ROBO2: variants seen among roughly 807,000 people sequenced by gnomAD.
The protein encoded by ROBO2 is roundabout guidance receptor 2.
ROBO2 carries 53 observed loss-of-function variants against 160.8 expected under a neutral mutation model. That is an observed-to-expected ratio of 0.33 (90% CI 0.26 to 0.41). The LOEUF is 0.41. Among genes scored for constraint, ROBO2 ranks in the 10% least tolerant of loss-of-function variants. The probability of loss-of-function intolerance (pLI) is 1.00; values close to 1 mark genes in which losing one functional copy is unlikely to be tolerated. For missense variants in ROBO2, 1,577 were observed against 1,722.4 expected (o/e 0.92, Z 1.49); for synonymous variants, 664 against 611.7 (o/e 1.09, Z -1.26).
intron 2 of ROBO2, among the ~76,000 whole-genome samples, chr3:76,761,444 G>T (rs2597239): frequency 0.84 from 126,820 of 151,336 alleles, 53,234 homozygotes; most frequent in Admixed American, 0.86. Context: ...TTCCTTTTCA[G>T]CCTCAAAAGT....
intron 2 of ROBO2, among the ~76,000 whole-genome samples, chr3:76,830,169 C>G (rs562127653): frequency 6.6e-6 from 1 of 152,172 alleles, no homozygotes; most frequent in East Asian, 1.9e-4. Context: ...CTCAACTGTC[C>G]CCCCCTCCAT....
At chr3:77,497,661 T>C (rs1370485033) in intron 5 of ROBO2, among the ~76,000 whole-genome samples, 1 of 152,152 alleles carries the variant, frequency 6.6e-6, no homozygotes, top group African/African-American at 2.4e-5. Context: ...AACATTTTGC[T>C]TATTAGTACT....
At position 77,294,464 on chromosome 3, in the gene ROBO2, C is replaced by T. The variant is rs1264645079; in HGVS notation, c.389-182950C>T. Among the ~76,000 whole-genome samples, 27 of 135,842 alleles carry T rather than the reference C, an allele frequency of 2.0e-4. 3 individuals carry two copies. Among genetic ancestry groups the T allele is most frequent in the African/African-American group, 5.7e-4 (19 of 33,070 alleles). The allele number at this position is 135,842 out of a possible 152,430, so 89.1% of individuals were successfully genotyped here. ...CCCTAAAGACATAAAGTAAAATTGA[C>T]GGGTAAACGGGTAAGCTGAGGCTAG... is the stretch of plus-strand genomic sequence containing the variant. On this transcript the variant is annotated intron_variant, in intron 2 of 25. Coordinates refer to ENST00000461745, the Ensembl canonical transcript of ROBO2.
intron 16 of ROBO2, among the ~76,000 whole-genome samples, chr3:77,584,725 C>T (rs1275069185): frequency 6.6e-6 from 1 of 151,716 alleles, no homozygotes; most frequent in Non-Finnish European, 1.5e-5. Flanking sequence ...ATTCCTTAAC[C>T]TGAGGGAAAC....
Position 76,962,638 on chromosome 3 carries a change from CAG to C in ROBO2, c.110-135374_110-135373del, listed in dbSNP as rs781714964. 1.0e-3 allele frequency among the ~76,000 whole-genome samples: 51 copies of C among 50,256 alleles called. 8 individuals are homozygous for C. The highest frequency in any genetic ancestry group is 2.6e-3 in the South Asian group (3 of 1,148). The allele number at this position is 50,256 out of a possible 152,430, so 33.0% of individuals were successfully genotyped here. A position where few individuals can be genotyped will look rare whatever the true frequency, so the allele number is the denominator to read the frequency against. On this transcript the variant is annotated intron_variant, in intron 2 of 26. Transcript: ENST00000487694. ...GGGCAACAAGAGTGAAACTCGATCT[CAG>C]AAAAAAAAAAAAAAAAAAAAGCTAG...
intron 24 of ROBO2, among the ~76,000 whole-genome samples, chr3:77,638,769 C>T (rs1462310418): frequency 1.3e-5 from 2 of 149,700 alleles, no homozygotes; most frequent in Non-Finnish European, 3.0e-5. Flanking sequence ...ATCCATCAAC[C>T]TGTTTCTCCT....
At chr3:77,492,229 T>C (rs1157040074) in intron 4 of ROBO2, among the ~76,000 whole-genome samples, 1 of 152,218 alleles carries the variant, frequency 6.6e-6, no homozygotes, top group Non-Finnish European at 1.5e-5. Context: ...ATATTGAATT[T>C]GTTTGTGATT....
intron 2 of ROBO2, among the ~76,000 whole-genome samples, chr3:77,395,123 C>G (rs923654296): frequency 6.6e-6 from 1 of 152,058 alleles, no homozygotes; most frequent in Non-Finnish European, 1.5e-5. Flanking sequence ...TTGCTATTTT[C>G]TACCCTCCCT....
Position 77,215,093 on chromosome 3 carries a change from G to A in ROBO2, c.388+116753G>A, listed in dbSNP as rs539520815. 4.2e-4 allele frequency among the ~76,000 whole-genome samples: 64 copies of A among 151,990 alleles called. 1 individual carries two copies. Among genetic ancestry groups the A allele is most frequent in the African/African-American group, 6.5e-4 (27 of 41,416 alleles). ...TCTTCTCAAGGAGTATCTTTGTGGC[G>A]TTCTCTGTATTTCCTGAATTTGAAT... On this transcript the variant is annotated intron_variant, in intron 2 of 25. Coordinates refer to ENST00000461745, the Ensembl canonical transcript of ROBO2.
At chr3:76,021,232 G>A (rs1037076580) in intron 2 of ROBO2, among the ~76,000 whole-genome samples, 1 of 151,692 alleles carries the variant, frequency 6.6e-6, no homozygotes, top group Non-Finnish European at 1.5e-5. Flanking sequence ...AGAGCACTCG[G>A]AAAAAATATG....
intron 2 of ROBO2, among the ~76,000 whole-genome samples, chr3:76,658,426 T>A (rs570114628): frequency 6.6e-6 from 1 of 152,194 alleles, no homozygotes; most frequent in African/African-American, 2.4e-5. Flanking sequence ...CATGGTGGTT[T>A]GCTGCACCCA....
At chr3:76,863,494 C>A (rs1057275355) in intron 2 of ROBO2, among the ~76,000 whole-genome samples, 4 of 151,122 alleles carry the variant, frequency 2.6e-5, no homozygotes, top group African/African-American at 9.7e-5. Flanking sequence ...AAAACCAAAT[C>A]ATTTGAGTTA....
At chr3:76,467,345 A>C (rs924154267) in intron 2 of ROBO2, among the ~76,000 whole-genome samples, 1 of 152,156 alleles carries the variant, frequency 6.6e-6, no homozygotes, top group Admixed American at 6.6e-5. Flanking sequence ...CTAAGAAAAC[A>C]AGATTTAGCT....
At chr3:76,527,426 G>A (rs1218977105) in intron 2 of ROBO2, among the ~76,000 whole-genome samples, 1 of 152,006 alleles carries the variant, frequency 6.6e-6, no homozygotes, top group Admixed American at 6.6e-5. Flanking sequence ...TCCATTAGTG[G>A]CAATATTAGG....
rs1301703310 is a variant in ROBO2, at chr3:76,723,386, A to G, written c.110-374628A>G. ...TATGAGTAGTGCACCATCTTTGGGGAAAAAAATCCATAAACATAAGTGACA... is the reference window on the plus strand; with the variant it reads ...TATGAGTAGTGCACCATCTTTGGGGGAAAAAATCCATAAACATAAGTGACA... On this transcript the variant is annotated intron_variant, in intron 2 of 26. Coordinates refer to the ROBO2 transcript ENST00000487694. Among the ~76,000 whole-genome samples, 5 of 151,958 alleles carry G rather than the reference A, an allele frequency of 3.3e-5. No individual in the cohort carries two copies. In the South Asian group the frequency reaches 8.3e-4, roughly 25 times the overall value.
chr3:77,386,603 A>ATCTTTTTTTTTTTTTTTTTTTTTTTTTT (rs2074125189), intron 2 of ROBO2, among the ~76,000 whole-genome samples: 1 of 91,896 alleles, frequency 1.1e-5, no homozygotes, highest in Non-Finnish European at 2.1e-5. Flanking sequence ...CAGCCAGGTA[A>ATCTTTTTTTTTTTTTTTTTTTTTTTTTT]TTTTTTTTTT....
Position 77,095,915 on chromosome 3 carries a change from G to GT in ROBO2, c.62-2089dup, listed in dbSNP as rs935469184. Among the ~76,000 whole-genome samples the GT allele has an allele frequency of 3.2e-4, 46 of 145,366 alleles. No individual in the cohort carries two copies. The South Asian group carries it at 3.5e-3, about 11-fold the overall frequency. On this transcript the variant is annotated intron_variant, in intron 1 of 25. Coordinates refer to ENST00000461745, the Ensembl canonical transcript of ROBO2. ...TATCTAGATGCTTTGGATCTCTTTA[G>GT]TTTTTTTTTTAAAGTTCTGACCTGT...
chr3:77,009,945 T>TAAAAAA (rs11436984), intron 2 of ROBO2, among the ~76,000 whole-genome samples: 1 of 104,454 alleles, frequency 9.6e-6, no homozygotes, highest in Non-Finnish European at 1.8e-5. Flanking sequence ...GACTCTGTCT[T>TAAAAAA]AAAAAAAAAA....
chr3:76,798,114 AAGAG>A (rs1186537545), intron 2 of ROBO2, among the ~76,000 whole-genome samples: 220 of 144,072 alleles, frequency 1.5e-3, no homozygotes, highest in African/African-American at 5.4e-3. Flanking sequence ...AAAAAGAAAG[AAGAG>A]AAAGAAGAAA....
Sources: allele counts gnomAD v4.1 joint callset (sites outside exome capture counted in the v4.1 genomes callset), GRCh38; gene constraint gnomAD v4.1.1; transcripts MANE v1.5; gene names NCBI Gene and HGNC (gene_info 2026-07-23, HGNC 2026-07-21).